CDC42BPG: variants seen among roughly 807,000 people sequenced by gnomAD.
CDC42BPG encodes the protein CDC42 binding protein kinase gamma, also known as serine/threonine-protein kinase MRCK gamma.
CDC42BPG carries 157 observed loss-of-function variants against 192.2 expected under a neutral mutation model. The observed-to-expected ratio is 0.82, with a 90% confidence interval of 0.72 to 0.93. CDC42BPG has a LOEUF of 0.93. Among genes scored for constraint, CDC42BPG ranks in the 40% least tolerant of loss-of-function variants. CDC42BPG has a pLI of 0.00. For missense variants in CDC42BPG, 1,992 were observed against 2,122.1 expected, an observed-to-expected ratio of 0.94 and a Z score of 1.20; for synonymous variants, 981 against 918.5, an observed-to-expected ratio of 1.07 and a Z score of -1.23.
At position 64,832,913 on chromosome 11, in the gene CDC42BPG, G is replaced by A. The variant is rs1373533552; in HGVS notation, c.2778C>T (p.Pro926=). 6.5e-7 allele frequency: 1 copy of A among 1,548,100 alleles called. No individual in the cohort carries two copies. The highest frequency in any genetic ancestry group is 8.7e-7 in the Non-Finnish European group (1 of 1,146,260). Residue 926 remains proline (P), a synonymous_variant, in exon 25 of 37, where the codon CCC becomes CCT. Transcript: ENST00000342711. ...CHTTCAPQAP[P]CPVPPDLLRT... Reference sequence around the variant, plus strand: ...GGAGGAGGTCAGGGGGCACGGGGCAGGGTGGGGCCTGTGGGGCACAGGTTG... The same window carrying A: ...GGAGGAGGTCAGGGGGCACGGGGCAAGGTGGGGCCTGTGGGGCACAGGTTG...
In CDC42BPG at chr11:64,826,452, C is replaced by A; in HGVS notation, c.4599+18G>T. 6.4e-7 allele frequency: 1 copy of A among 1,565,848 alleles called. No individual in the cohort carries two copies. The highest frequency in any genetic ancestry group is 1.8e-5 in the Admixed American group (1 of 54,448). ...GACGTTTGAATAGGGGACGGACAAG[C>A]CTCCCGGACCCGCTCACCTGCATTA... On this transcript the variant is annotated intron_variant, in intron 36 of 36. Coordinates refer to ENST00000342711, the MANE Select transcript of CDC42BPG (RefSeq NM_017525.3).
Position 64,839,221 on chromosome 11 carries a change from C to T in CDC42BPG, c.688G>A (p.Val230Met). Residue 230 changes from valine (V) to methionine (M), a missense_variant, in exon 7 of 37, where the codon GTG becomes ATG. By Grantham distance (21) the Val-to-Met change is conservative. Coordinates refer to ENST00000342711, the MANE Select transcript of CDC42BPG (RefSeq NM_017525.3). The part of the protein sequence containing the change: ...LNTNGMVDSS[V>M]AVGTPDYISP... ...ATATAGTCCGGCGTCCCTACTGCCA[C>T]TGATGAATCCACCTGTGGGTGGTGG... 6.2e-7 allele frequency: 1 copy of T among 1,613,208 alleles called. No individual in the cohort carries two copies. The highest frequency in any genetic ancestry group is 8.5e-7 in the Non-Finnish European group (1 of 1,180,028).
intron 13 of CDC42BPG, 119 bp from the exon 14 acceptor site, chr11:64,835,970 G>T: frequency 1.5e-6 from 2 of 1,297,738 alleles, no homozygotes; most frequent in South Asian, 1.4e-5. Flanking sequence ...TGGACTCCCA[G>T]ACTGCCCCGT....
Position 64,836,541 on chromosome 11 carries a change from G to C in CDC42BPG, c.1385-11C>G, listed in dbSNP as rs368900602. 2 of 1,610,442 alleles carry C rather than the reference G, an allele frequency of 1.2e-6. No homozygotes were observed. Among genetic ancestry groups the C allele is most frequent in the Non-Finnish European group, 1.7e-6 (2 of 1,177,638 alleles). On this transcript the variant is annotated splice_polypyrimidine_tract_variant and intron_variant, in intron 11 of 36. Transcript: ENST00000342711. ...TGTCCCTCAGCATCTCTGCCAGGAA[G>C]AGTCACTGAGACCTCGAGTGCTGGC...
rs747191755 is a variant in CDC42BPG at position 64,826,727 on chromosome 11, G to A, written c.4457C>T (p.Ala1486Val). ...GCCCATGGAGGCTGGGCGCCGCAAC[G>A]CCTCGGAGAAGCTGTGGGGCCGCTG... ...GPQRPHSFSE[A>V]LRRPASMGSE... Residue 1486 changes from alanine to valine, a missense_variant, in exon 35 of 37, where the codon GCG (alanine) becomes GTG (valine). Around this residue, in one of 2 missense-constraint regions of CDC42BPG, gnomAD observed 336 missense variants for 277.9 expected, o/e 1.21. Transcript: ENST00000342711. 6 of 1,548,858 alleles carry A rather than the reference G, an allele frequency of 3.9e-6. No individual in the cohort carries two copies. The Admixed American group carries it at 8.1e-5, about 21-fold the overall frequency.
Position 64,830,062 on chromosome 11 carries a change from G to A in CDC42BPG, c.3376C>T (p.Gln1126Ter), listed in dbSNP as rs768052838. The A allele has an allele frequency of 6.2e-7, 1 of 1,612,568 alleles. No homozygotes were observed. Among genetic ancestry groups the A allele is most frequent in the Non-Finnish European group, 8.5e-7 (1 of 1,179,474 alleles). ...TGCACGCGCCGGCACTCCCCCACCT[G>A]GAAGATGTCTGCAGGGTTGGCGAGG... Reference protein sequence around the residue: ...VIHLRSNDIFQVGECRRVQQL... With the variant: ...VIHLRSNDIF Residue 1126 changes from glutamine (Q) to a stop codon, truncating the protein, a stop_gained, in exon 30 of 37, where the codon CAG (glutamine) becomes TAG (stop). Coordinates refer to ENST00000342711, the MANE Select transcript of CDC42BPG (RefSeq NM_017525.3). LOFTEE classifies it high-confidence loss of function.
Position 64,833,727 on chromosome 11 carries a change from C to G in CDC42BPG, c.2565+11G>C, listed in dbSNP as rs1310177419. ...GCCCAGGCCCCCTACGATGGACCCA[C>G]CTGTCCTCACCCCCATGCGCAGGCT... On this transcript the variant is annotated intron_variant, in intron 22 of 36. Transcript: ENST00000342711. 6.2e-7 allele frequency: 1 copy of G among 1,613,940 alleles called. No homozygotes were observed. Among genetic ancestry groups the G allele is most frequent in the Non-Finnish European group, 8.5e-7 (1 of 1,179,990 alleles).
In CDC42BPG at chr11:64,827,138, G is replaced by GAGCGCACAAAAGGGTCCTTCAGCAT; in HGVS notation, c.4276_4300dup (p.Ser1434TyrfsTer121). On this transcript the variant is annotated frameshift_variant, in exon 34 of 37. Transcript: ENST00000342711. LOFTEE classifies it high-confidence loss of function. ...GTTGGTAGGCGGCGAGATGAGCTTG[G>GAGCGCACAAAAGGGTCCTTCAGCAT]AGCGCACAAAAGGGTCCTTCAGCAT... is the stretch of plus-strand genomic sequence containing the variant. 1.9e-6 allele frequency: 3 copies of GAGCGCACAAAAGGGTCCTTCAGCAT among 1,614,130 alleles called. No homozygotes were observed. Among genetic ancestry groups the GAGCGCACAAAAGGGTCCTTCAGCAT allele is most frequent in the Non-Finnish European group, 2.5e-6 (3 of 1,179,984 alleles).
chr11:64,842,908 T>C (rs1943342394), intron 1 of CDC42BPG, among the ~76,000 whole-genome samples: 1 of 152,118 alleles, frequency 6.6e-6, no homozygotes, highest in Non-Finnish European at 1.5e-5. Context: ...CAGAGAGCTG[T>C]TCCACAGGTT....
intron 12 of CDC42BPG, 32 bp downstream of exon 12, chr11:64,836,395 C>A (rs1262051915): frequency 8.4e-7 from 1 of 1,184,162 alleles, no homozygotes; most frequent in South Asian, 1.3e-5. Flanking sequence ...ACCCACCTCA[C>A]CCAGCCCTCA....
intron 9 of CDC42BPG, among the ~76,000 whole-genome samples, chr11:64,837,714 G>C (rs1327879446): frequency 2.6e-5 from 4 of 152,236 alleles, no homozygotes; most frequent in Non-Finnish European, 1.5e-5. Flanking sequence ...CACCCGCCTC[G>C]ACCTCCCTAA....
chr11:64,839,397 A>C, intron 6 of CDC42BPG, 81 bp downstream of exon 6: 1 of 1,521,926 alleles, frequency 6.6e-7, no homozygotes. Flanking sequence ...ATGCCTCTGC[A>C]CTAGGCCTGG....
intron 30 of CDC42BPG, among the ~76,000 whole-genome samples, chr11:64,828,434 G>A (rs988388197): frequency 2.0e-5 from 3 of 152,210 alleles, no homozygotes; most frequent in Admixed American, 1.3e-4. Flanking sequence ...AAGTGGAGGC[G>A]ATGAGAGCCG....
intron 34 of CDC42BPG, 120 bp from the exon 35 acceptor site, chr11:64,826,914 T>A (rs538659781): frequency 2.4e-4 from 296 of 1,244,982 alleles, no homozygotes; most frequent in East Asian, 1.9e-3. Context: ...TTTACTTAAG[T>A]CCCAGGTAGC....
rs1565664789 is a variant in CDC42BPG at position 64,824,429 on chromosome 11, A to T, written c.*44T>A. 1 of 1,309,720 alleles carries T rather than the reference A, an allele frequency of 7.6e-7. No individual in the cohort carries two copies. The highest frequency in any genetic ancestry group is 1.1e-6 in the Non-Finnish European group (1 of 900,660). 81.1% of individuals were successfully genotyped at this position (1,309,720 alleles called of 1,614,324 possible). On this transcript the variant is annotated 3_prime_UTR_variant, in exon 37 of 37. Coordinates refer to ENST00000342711, the MANE Select transcript of CDC42BPG (RefSeq NM_017525.3). ...CATTCCTCAAGCTCTTTGCTCCCTC[A>T]TGTCCTTCTGCCCTGGGATTGGGGT...
rs748336588 is a variant in CDC42BPG at position 64,836,496 on chromosome 11, C to T, written c.1419G>A (p.Thr473=). The T allele has an allele frequency of 7.4e-6, 12 of 1,613,374 alleles. No individual in the cohort carries two copies. The highest frequency in any genetic ancestry group is 4.5e-5 in the East Asian group (2 of 44,900). The change falls in exon 12 of 37, where the codon ACG becomes ACA. Residue 473 remains threonine, a synonymous_variant. Transcript: ENST00000342711. ...MLRDKASLSQ[T]DGPPAGSPGQ... ...CTGGGCTACCAGCTGGGGGCCCATC[C>T]GTCTGGGACAATGAGGCCTTGTCCC...
rs1196354340 is a variant in CDC42BPG, at chr11:64,826,463, C to T, written c.4599+7G>A. The T allele has an allele frequency of 1.9e-6, 3 of 1,586,952 alleles. No homozygotes were observed. Among genetic ancestry groups the T allele is most frequent in the Admixed American group, 1.8e-5 (1 of 56,208 alleles). ...AGGGGACGGACAAGCCTCCCGGACC[C>T]GCTCACCTGCATTAGGGAGGTTGCA... On this transcript the variant is annotated splice_region_variant and intron_variant, in intron 36 of 36. Transcript: ENST00000342711.
chr11:64,824,870 C>G, intron 36 of CDC42BPG, among the ~76,000 whole-genome samples: 1 of 151,514 alleles, frequency 6.6e-6, no homozygotes, highest in East Asian at 1.9e-4. Context: ...GCCTCTGCCT[C>G]CCAGGTAGCT....
In CDC42BPG at chr11:64,829,689, G is replaced by A. The variant is rs776399269; in HGVS notation, c.3749C>T (p.Pro1250Leu). The change falls in exon 30 of 37, where the codon CCG becomes CTG. Residue 1250 changes from proline (P) to leucine (L), a missense_variant. Around this residue, in one of 2 missense-constraint regions of CDC42BPG, gnomAD observed 1,656 missense variants for 1,844.3 expected, o/e 0.90. Coordinates refer to ENST00000342711, the MANE Select transcript of CDC42BPG (RefSeq NM_017525.3). ...VGAAGGFALY[P>L]LLNEAAPLAL... is the part of the protein sequence containing the mutation. The stretch of plus-strand genomic sequence containing the variant: ...CAACGGCGCAGCCTCGTTGAGCAGC[G>A]GGTAGAGTGCAAAGCCACCGGCGGC... 18 of 1,611,576 alleles carry A rather than the reference G, an allele frequency of 1.1e-5. No individual in the cohort carries two copies. Among genetic ancestry groups the A allele is most frequent in the South Asian group, 6.6e-5 (6 of 91,004 alleles).
Sources: allele counts gnomAD v4.1 joint callset (sites outside exome capture counted in the v4.1 genomes callset), GRCh38; gene constraint gnomAD v4.1.1; regional missense constraint gnomAD v4.1.1; transcripts MANE v1.5; gene names NCBI Gene and HGNC (gene_info 2026-07-23, HGNC 2026-07-21).